The following TENM2 variants were observed in gnomAD, a reference collection of about 807,000 sequenced individuals.
TENM2 encodes teneurin-2.
In TENM2, 52 loss-of-function variants were observed where a neutral mutation model predicts 245.2. The ratio of observed to expected loss-of-function variants is 0.21; its 90% CI spans 0.17 to 0.27. The LOEUF is 0.27. TENM2 is among the 10% of genes least tolerant of loss of function. TENM2 has a pLI of 1.00. For missense variants in TENM2, 3,046 were observed against 3,666.8 expected, an observed-to-expected ratio of 0.83 and a Z score of 4.37; for synonymous variants, 1,363 against 1,438.9, an observed-to-expected ratio of 0.95 and a Z score of 1.19.
chr5:167,329,551 C>CA (rs34165505), intron 1 of TENM2, among the ~76,000 whole-genome samples: 2,061 of 21,894 alleles, frequency 0.094, 548 homozygotes, highest in Admixed American at 0.23. Context: ...GACTCAGTCT[C>CA]AAAAAAAAAA....
At chr5:167,762,460 T>G (rs929362845) in intron 2 of TENM2, among the ~76,000 whole-genome samples, 9 of 152,166 alleles carry the variant, frequency 5.9e-5, no homozygotes, top group Non-Finnish European at 1.0e-4. Context: ...TCCCTTCCTC[T>G]CGTTATTTTC....
chr5:167,108,661 G>A, the TENM2 span, among the ~76,000 whole-genome samples: 14 of 152,226 alleles, frequency 9.2e-5, no homozygotes, highest in African/African-American at 2.9e-4. Flanking sequence ...AGAATGCTAG[G>A]TGCCTCGTGC....
chr5:167,943,010 T>C (rs751463842), intron 3 of TENM2, among the ~76,000 whole-genome samples: 5 of 152,204 alleles, frequency 3.3e-5, no homozygotes, highest in Non-Finnish European at 7.3e-5. Flanking sequence ...CAGCGATATG[T>C]CTTTACATCC....
intron 2 of TENM2, among the ~76,000 whole-genome samples, chr5:167,428,843 A>C: frequency 6.6e-6 from 1 of 152,168 alleles, no homozygotes; most frequent in East Asian, 1.9e-4. Context: ...CTTTCTTAAC[A>C]GTGGTCAGGG....
chr5:167,523,621 G>A (rs748002746), intron 2 of TENM2, among the ~76,000 whole-genome samples: 10 of 152,000 alleles, frequency 6.6e-5, no homozygotes, highest in Non-Finnish European at 1.5e-4. Context: ...TATTCTATGC[G>A]CCACATTTGC....
In TENM2 at chr5:168,247,771, T is replaced by C. The variant is rs1163722300; in HGVS notation, c.6832T>C (p.Phe2278Leu). The change falls in exon 27 of 29, where the codon TTC (phenylalanine) becomes CTC (leucine). Residue 2278 changes from phenylalanine (F) to leucine (L), a missense_variant. Physicochemically the swap from Phe to Leu is conservative, Grantham distance 22. Coordinates refer to ENST00000518659, the Ensembl canonical transcript of TENM2. The surrounding 1 kb of genome is among the most constrained non-coding windows in gnomAD (Gnocchi z 7.8). ...TCTGTGCCAGAGAGGGTCTGACATC[T>C]TCGAATACAATTCCAAGGGCCTCCT... is the stretch of plus-strand genomic sequence containing the variant. 1 of 1,613,938 alleles carries C rather than the reference T, an allele frequency of 6.2e-7. No individual in the cohort carries two copies. Among genetic ancestry groups the C allele is most frequent in the Non-Finnish European group, 8.5e-7 (1 of 1,179,886 alleles).
At chr5:167,250,669 G>C in the TENM2 span, among the ~76,000 whole-genome samples, 1 of 152,096 alleles carries the variant, frequency 6.6e-6, no homozygotes, top group Non-Finnish European at 1.5e-5. Context: ...CATCCCATTT[G>C]TTTCTGCAAT....
chr5:167,449,558 AGAT>A, intron 2 of TENM2, among the ~76,000 whole-genome samples: 1 of 150,924 alleles, frequency 6.6e-6, no homozygotes, highest in African/African-American at 2.5e-5. Context: ...ATAGATAGAT[AGAT>A]AGATAGATAA....
chr5:167,543,140 C>A (rs1200659488), intron 2 of TENM2, among the ~76,000 whole-genome samples: 3 of 152,162 alleles, frequency 2.0e-5, no homozygotes, highest in African/African-American at 7.2e-5. Flanking sequence ...TTCCAATGCT[C>A]ACTCAAGCTT....
At chr5:167,802,457 C>T (rs890146708) in intron 2 of TENM2, among the ~76,000 whole-genome samples, 8 of 152,108 alleles carry the variant, frequency 5.3e-5, no homozygotes, top group African/African-American at 1.9e-4. Context: ...GTACAATAAC[C>T]CTGCTAAGAG....
At chr5:167,467,200 G>A (rs776359920) in intron 2 of TENM2, among the ~76,000 whole-genome samples, 18 of 152,144 alleles carry the variant, frequency 1.2e-4, no homozygotes, top group Non-Finnish European at 1.5e-4. Flanking sequence ...TGCTGTTCTC[G>A]CGATAGTGAG....
At chr5:168,018,710 T>A (rs1785880602) in intron 5 of TENM2, among the ~76,000 whole-genome samples, 1 of 152,212 alleles carries the variant, frequency 6.6e-6, no homozygotes, top group African/African-American at 2.4e-5. Flanking sequence ...ATTTTAATTT[T>A]AAGACACATT....
the TENM2 span, among the ~76,000 whole-genome samples, chr5:167,218,739 G>T: frequency 2.0e-5 from 3 of 152,154 alleles, no homozygotes; most frequent in African/African-American, 7.2e-5. Flanking sequence ...CAGTTGGGAA[G>T]AATGTAATAA....
intron 2 of TENM2, among the ~76,000 whole-genome samples, chr5:167,431,401 C>T (rs1378555661): frequency 6.6e-6 from 1 of 151,898 alleles, no homozygotes; most frequent in East Asian, 1.9e-4. Context: ...AAAAGTGTAT[C>T]GCAAGTAATT....
chr5:167,495,235 T>G (rs563291782), intron 2 of TENM2, among the ~76,000 whole-genome samples: 2 of 79,404 alleles, frequency 2.5e-5, no homozygotes, highest in African/African-American at 6.8e-5. Context: ...TTTTTTTGTT[T>G]TGTTTTTTGT....
chr5:167,255,078 T>C, the TENM2 span, among the ~76,000 whole-genome samples: 6 of 151,472 alleles, frequency 4.0e-5, no homozygotes, highest in African/African-American at 7.3e-5. Context: ...CTTTTCTTTT[T>C]TTTTTTTTTT....
chr5:167,590,197 G>A (rs575664175), intron 2 of TENM2, among the ~76,000 whole-genome samples: 96 of 151,774 alleles, frequency 6.3e-4, no homozygotes, highest in Middle Eastern at 6.9e-3. Flanking sequence ...TCCAAATAGT[G>A]TTTTTTGTTT....
intron 3 of TENM2, chr5:167,952,321 C>G: frequency 1.8e-6 from 1 of 560,644 alleles, no homozygotes; most frequent in Non-Finnish European, 3.2e-6. Flanking sequence ...AATAATTCCT[C>G]TGGTCAGCCC....
At chr5:167,494,844 G>T (rs1428833246) in intron 2 of TENM2, among the ~76,000 whole-genome samples, 2 of 151,948 alleles carry the variant, frequency 1.3e-5, no homozygotes, top group African/African-American at 4.8e-5. Context: ...AAAAACACTA[G>T]GATAAGAAAA....
Sources: allele counts gnomAD v4.1 joint callset (sites outside exome capture counted in the v4.1 genomes callset), GRCh38; gene constraint gnomAD v4.1.1; non-coding constraint Gnocchi (gnomAD v3.1); transcripts MANE v1.5; gene names NCBI Gene and HGNC (gene_info 2026-07-23, HGNC 2026-07-21).